Variants in C1QTNF3 observed in about 807,000 individuals in gnomAD.
C1QTNF3 encodes C1q and TNF related 3.
Under a neutral mutation model 32.6 loss-of-function variants are expected in C1QTNF3, and 26 were observed. The ratio of observed to expected loss-of-function variants is 0.80; its 90% confidence interval spans 0.58 to 1.11. C1QTNF3 has a LOEUF of 1.11. Among genes scored for constraint, C1QTNF3 ranks in the 50% least tolerant of loss-of-function variants. C1QTNF3 has a pLI of 0.00. For missense variants in C1QTNF3, 362 were observed against 398.2 expected (o/e 0.91, Z 0.77); for synonymous variants, 155 against 146.0 (o/e 1.06, Z -0.44).
the C1QTNF3 span, chr5:34,165,562 CTCT>C: frequency 6.6e-6 from 1 of 151,896 alleles, no homozygotes; most frequent in Admixed American, 6.6e-5. Flanking sequence ...TCATTGATGC[CTCT>C]TCTTCTAAAA....
At chr5:34,227,804 A>G in the C1QTNF3 span, among the ~76,000 whole-genome samples, 107 of 152,008 alleles carry the variant, frequency 7.0e-4, no homozygotes, top group African/African-American at 2.5e-3. Context: ...ATTGGTAAGT[A>G]TATCTTTATA....
chr5:34,049,487 G>A, the C1QTNF3 span, among the ~76,000 whole-genome samples: 1 of 152,208 alleles, frequency 6.6e-6, no homozygotes, highest in Non-Finnish European at 1.5e-5. Context: ...TGAAGCAGAG[G>A]CAGCTCTGAC....
At chr5:34,049,371 C>T in the C1QTNF3 span, among the ~76,000 whole-genome samples, 1 of 152,150 alleles carries the variant, frequency 6.6e-6, no homozygotes, top group South Asian at 2.1e-4. Context: ...GACACAGTGA[C>T]CTTCCCCAGG....
At chr5:34,075,728 C>T in the C1QTNF3 span, among the ~76,000 whole-genome samples, 4 of 151,518 alleles carry the variant, frequency 2.6e-5, no homozygotes, top group Middle Eastern at 3.2e-3. Context: ...CCACAAATTT[C>T]ACTTCTGGGG....
chr5:34,164,886 T>A, the C1QTNF3 span: 1 of 151,566 alleles, frequency 6.6e-6, no homozygotes, highest in East Asian at 1.9e-4. Context: ...TAGGAGTTCC[T>A]CCAGGTACTC....
At chr5:34,176,593 C>T in the C1QTNF3 span, among the ~76,000 whole-genome samples, 8 of 152,228 alleles carry the variant, frequency 5.3e-5, no homozygotes, top group Admixed American at 3.3e-4. Flanking sequence ...AGGAAAAATA[C>T]GTCTTTAGGT....
the C1QTNF3 span, chr5:34,168,577 G>C: frequency 2.7e-4 from 41 of 151,722 alleles, no homozygotes; most frequent in African/African-American, 9.2e-4. Flanking sequence ...GAGTTATCAA[G>C]CCAAAGTTTT....
chr5:34,203,454 G>A, the C1QTNF3 span, among the ~76,000 whole-genome samples: 5,640 of 152,232 alleles, frequency 0.037, 357 homozygotes, highest in African/African-American at 0.13. Context: ...TTGGGAGGCC[G>A]AGGTGGGTGG....
At chr5:34,163,458 T>C in the C1QTNF3 span, among the ~76,000 whole-genome samples, 2 of 143,610 alleles carry the variant, frequency 1.4e-5, no homozygotes, top group Non-Finnish European at 3.0e-5. Flanking sequence ...TATTTTACTA[T>C]AAAATGTATT....
At chr5:34,155,518 G>C in the C1QTNF3 span, among the ~76,000 whole-genome samples, 1 of 152,106 alleles carries the variant, frequency 6.6e-6, no homozygotes, top group Non-Finnish European at 1.5e-5. Context: ...TTTAATATCA[G>C]AGTATCTGTG....
chr5:34,073,258 T>C, the C1QTNF3 span, among the ~76,000 whole-genome samples: 1 of 146,794 alleles, frequency 6.8e-6, no homozygotes, highest in Admixed American at 7.0e-5. Flanking sequence ...ACCTGGGAGG[T>C]GGAGCTTGCA....
chr5:34,067,977 T>C, the C1QTNF3 span, among the ~76,000 whole-genome samples: 2 of 152,202 alleles, frequency 1.3e-5, no homozygotes, highest in Non-Finnish European at 2.9e-5. Context: ...TACAACTTCA[T>C]GGTCTTAACC....
chr5:34,132,321 G>A, the C1QTNF3 span, among the ~76,000 whole-genome samples: 1 of 151,864 alleles, frequency 6.6e-6, no homozygotes, highest in Non-Finnish European at 1.5e-5. Flanking sequence ...GGAGGCGGAG[G>A]TTACGGTGAG....
At chr5:34,177,902 T>A in the C1QTNF3 span, among the ~76,000 whole-genome samples, 1 of 151,950 alleles carries the variant, frequency 6.6e-6, no homozygotes, top group Non-Finnish European at 1.5e-5. Context: ...GCATTCCAGG[T>A]GTGAGCCACC....
At chr5:34,037,705 A>T (rs1341848089) in intron 1 of C1QTNF3, among the ~76,000 whole-genome samples, 1 of 152,184 alleles carries the variant, frequency 6.6e-6, no homozygotes, top group Non-Finnish European at 1.5e-5. Flanking sequence ...ACCTTCTGTC[A>T]AATTGGTAGG....
At position 34,019,548 on chromosome 5, in the gene C1QTNF3, C is replaced by T. The variant is rs940528338; in HGVS notation, c.*1035G>A. ...TGGAATAACTGAAAAGCGAAGTTTT[C>T]TGAAGTCATATGACCCTGCTGTGTG... On this transcript the variant is annotated 3_prime_UTR_variant, in exon 6 of 6. Coordinates refer to ENST00000382065, the MANE Select transcript of C1QTNF3 (RefSeq NM_181435.6). 1 of 152,222 alleles carries T rather than the reference C, an allele frequency of 6.6e-6. No individual in the cohort carries two copies. Among genetic ancestry groups the T allele is most frequent in the Non-Finnish European group, 1.5e-5 (1 of 68,042 alleles). The allele number at this position is 152,222 out of a possible 1,614,324, so 9.4% of individuals were successfully genotyped here.
chr5:34,224,745 A>G, the C1QTNF3 span, among the ~76,000 whole-genome samples: 1 of 152,190 alleles, frequency 6.6e-6, no homozygotes, highest in Non-Finnish European at 1.5e-5. Context: ...GGCATGGGCA[A>G]GGACTTCATG....
chr5:34,091,235 T>C, the C1QTNF3 span, among the ~76,000 whole-genome samples: 1 of 152,260 alleles, frequency 6.6e-6, no homozygotes, highest in Admixed American at 6.5e-5. Flanking sequence ...AGACCCATGG[T>C]TAAATACCCT....
At chr5:34,022,498 G>C (rs776865680) in intron 5 of C1QTNF3, among the ~76,000 whole-genome samples, 1 of 152,224 alleles carries the variant, frequency 6.6e-6, no homozygotes, top group African/African-American at 2.4e-5. Flanking sequence ...TCAGGGCTTT[G>C]AGCTGGATGC....
Sources: allele counts gnomAD v4.1 joint callset (sites outside exome capture counted in the v4.1 genomes callset), GRCh38; gene constraint gnomAD v4.1.1; transcripts MANE v1.5; gene names NCBI Gene and HGNC (gene_info 2026-07-23, HGNC 2026-07-21).